Variants in IL1RAPL2 observed in about 807,000 individuals in gnomAD.
The protein encoded by IL1RAPL2 is X-linked interleukin-1 receptor accessory protein-like 2.
In IL1RAPL2, 3 loss-of-function variants were observed where a neutral mutation model predicts 44.1. That is an observed-to-expected ratio of 0.07 (90% CI 0.03 to 0.18). The LOEUF is 0.18. Among genes scored for constraint, IL1RAPL2 ranks in the 10% least tolerant of loss-of-function variants. IL1RAPL2 has a pLI of 1.00. For missense variants in IL1RAPL2, 391 were observed against 496.4 expected (o/e 0.79, Z 2.02); for synonymous variants, 181 against 178.8 (o/e 1.01, Z -0.10).
At chrX:104,568,893 G>A (rs904400838) in intron 1 of IL1RAPL2, among the ~76,000 whole-genome samples, 6 of 111,782 alleles carry the variant, frequency 5.4e-5, no homozygotes, top group Admixed American at 4.8e-4. Context: ...ACCCGATGCG[G>A]AGACTCCAGT....
intron 6 of IL1RAPL2, among the ~76,000 whole-genome samples, chrX:105,623,782 G>T (rs1311631068): frequency 9.0e-6 from 1 of 111,533 alleles, no homozygotes; most frequent in African/African-American, 3.3e-5. Context: ...CATCTGTTGT[G>T]GATACAATAG....
chrX:104,629,035 A>G (rs996513493), intron 1 of IL1RAPL2, among the ~76,000 whole-genome samples: 6 of 111,899 alleles, frequency 5.4e-5, no homozygotes, highest in Admixed American at 9.5e-5. Flanking sequence ...TATGAAAAAC[A>G]GATATGATTC....
At chrX:105,590,845 GTGTT>G (rs1294519576) in intron 6 of IL1RAPL2, among the ~76,000 whole-genome samples, 3 of 100,284 alleles carry the variant, frequency 3.0e-5, no homozygotes, top group African/African-American at 1.3e-4. Flanking sequence ...GTGTGTGTGT[GTGTT>G]TGTGTGTGTT....
chrX:104,927,882 G>A (rs754778939), intron 2 of IL1RAPL2, among the ~76,000 whole-genome samples: 3 of 111,903 alleles, frequency 2.7e-5, no homozygotes, highest in Non-Finnish European at 3.8e-5. Flanking sequence ...GGTTACTTGC[G>A]CTCACCAGAG....
At chrX:105,430,225 A>G (rs1857842695) in intron 5 of IL1RAPL2, among the ~76,000 whole-genome samples, 1 of 111,567 alleles carries the variant, frequency 9.0e-6, no homozygotes, top group African/African-American at 3.2e-5. Context: ...AACAAGGACA[A>G]AACATACCTG....
At chrX:105,030,544 T>C (rs1384770514) in intron 2 of IL1RAPL2, among the ~76,000 whole-genome samples, 1 of 112,031 alleles carries the variant, frequency 8.9e-6, no homozygotes. Flanking sequence ...TTGTCAAAGA[T>C]CAGATGGTTG....
intron 2 of IL1RAPL2, among the ~76,000 whole-genome samples, chrX:104,801,352 A>G (rs1188126372): frequency 1.8e-5 from 2 of 111,807 alleles, no homozygotes; most frequent in African/African-American, 6.5e-5. Flanking sequence ...GACCGTGGCT[A>G]GTCTCTTAAA....
intron 6 of IL1RAPL2, among the ~76,000 whole-genome samples, chrX:105,589,569 G>A (rs973099363): frequency 2.1e-4 from 23 of 111,348 alleles, no homozygotes; most frequent in African/African-American, 7.2e-4. Context: ...GTGAAAAGAA[G>A]GGGTCCAGTT....
chrX:105,217,185 A>G (rs1556167432), intron 3 of IL1RAPL2, among the ~76,000 whole-genome samples: 1 of 108,629 alleles, frequency 9.2e-6, no homozygotes. Flanking sequence ...AATGGGAGAA[A>G]ATTTTTGCAA....
At chrX:105,254,984 C>T (rs1405347302) in intron 4 of IL1RAPL2, among the ~76,000 whole-genome samples, 1 of 111,758 alleles carries the variant, frequency 8.9e-6, no homozygotes, top group Non-Finnish European at 1.9e-5. Context: ...AGTCATTTAA[C>T]GTGATGCCTA....
chrX:105,673,470 C>T (rs2037841656), intron 6 of IL1RAPL2, among the ~76,000 whole-genome samples: 1 of 111,483 alleles, frequency 9.0e-6, no homozygotes, highest in South Asian at 3.8e-4. Context: ...CTTCCAGCTT[C>T]ATCCAAGTCC....
intron 5 of IL1RAPL2, chrX:105,406,458 C>T (rs1345220977): frequency 1.5e-5 from 18 of 1,191,148 alleles, no homozygotes; most frequent in Non-Finnish European, 1.8e-5. Flanking sequence ...TCTCAACCAC[C>T]GGAGGATCAT....
intron 5 of IL1RAPL2, among the ~76,000 whole-genome samples, chrX:105,308,527 A>G (rs2034769610): frequency 8.9e-6 from 1 of 112,166 alleles, no homozygotes; most frequent in African/African-American, 3.2e-5. Context: ...TCTCCTTTCC[A>G]GAGGCACACA....
intron 4 of IL1RAPL2, among the ~76,000 whole-genome samples, chrX:105,262,134 T>G (rs2034364598): frequency 1.8e-5 from 2 of 112,140 alleles, no homozygotes; most frequent in African/African-American, 6.5e-5. Flanking sequence ...TTCTCCTGTC[T>G]CTCCAGTTTT....
At chrX:105,075,879 G>C (rs974380353) in intron 2 of IL1RAPL2, among the ~76,000 whole-genome samples, 1 of 111,500 alleles carries the variant, frequency 9.0e-6, no homozygotes, top group African/African-American at 3.3e-5. Context: ...CTGTGGAATC[G>C]ATGGTGATAT....
At chrX:105,546,495 A>T (rs923502915) in intron 6 of IL1RAPL2, among the ~76,000 whole-genome samples, 2 of 4,504 alleles carry the variant, frequency 4.4e-4, no homozygotes, top group Non-Finnish European at 1.0e-3. Flanking sequence ...TGTTTAAAGA[A>T]ATCCTATGGT....
At position 104,741,464 on chromosome X, in the gene IL1RAPL2, G is replaced by A. The variant is rs187086307; in HGVS notation, c.82+82469G>A. ...TATTTGTATTTGGATTAATGGTATCGTAAATTTTTTTAAACAAAAGACTAT... is the reference window on the plus strand; with the variant it reads ...TATTTGTATTTGGATTAATGGTATCATAAATTTTTTTAAACAAAAGACTAT... On this transcript the variant is annotated intron_variant, in intron 2 of 10. Transcript: ENST00000372582. 2.4e-3 allele frequency among the ~76,000 whole-genome samples: 268 copies of A among 110,572 alleles called. 1 individual carries two copies. Among genetic ancestry groups the A allele is most frequent in the African/African-American group, 8.4e-3 (256 of 30,577 alleles).
intron 2 of IL1RAPL2, among the ~76,000 whole-genome samples, chrX:104,726,261 A>T (rs1259060458): frequency 9.0e-6 from 1 of 111,728 alleles, no homozygotes; most frequent in Non-Finnish European, 1.9e-5. Flanking sequence ...TACCAGTAAC[A>T]TGCTGTTTTG....
intron 2 of IL1RAPL2, among the ~76,000 whole-genome samples, chrX:104,842,866 G>A (rs1432106155): frequency 8.9e-6 from 1 of 112,716 alleles, no homozygotes; most frequent in Non-Finnish European, 1.9e-5. Flanking sequence ...GGAGGCACGG[G>A]GGTCAGGTAC....
Sources: allele counts gnomAD v4.1 joint callset (sites outside exome capture counted in the v4.1 genomes callset), GRCh38; gene constraint gnomAD v4.1.1; transcripts MANE v1.5; gene names NCBI Gene and HGNC (gene_info 2026-07-23, HGNC 2026-07-21).